Variants in SLC28A2 observed in about 807,000 individuals in gnomAD.
The protein encoded by SLC28A2 is sodium/nucleoside cotransporter 2.
Under a neutral mutation model 72.9 loss-of-function variants are expected in SLC28A2, and 69 were observed. The ratio of observed to expected loss-of-function variants is 0.95; its 90% CI spans 0.78 to 1.16. The LOEUF (loss-of-function observed/expected upper bound fraction) is 1.16, where lower values mean the gene tolerates loss of function less well. Among genes scored for constraint, SLC28A2 ranks in the 50% most tolerant of loss-of-function variants. The pLI, the probability that SLC28A2 is intolerant of heterozygous loss-of-function variation, is 0.00. For synonymous variants in SLC28A2, 296 were observed against 294.1 expected (o/e 1.01, Z -0.07); for missense variants, 745 against 791.1 (o/e 0.94, Z 0.70).
chr15:45,257,324 T>C (rs543975530), intron 3 of SLC28A2, among the ~76,000 whole-genome samples: 18 of 152,296 alleles, frequency 1.2e-4, no homozygotes, highest in African/African-American at 4.1e-4. Flanking sequence ...CCCTCTCTTA[T>C]AACACTTTAA....
At chr15:45,254,574 TAC>T (rs1899915028) in intron 3 of SLC28A2, among the ~76,000 whole-genome samples, 2 of 152,372 alleles carry the variant, frequency 1.3e-5, no homozygotes, top group South Asian at 4.1e-4. Flanking sequence ...TTTGCATAAG[TAC>T]ACTGTAAGAT....
chr15:45,272,687 C>A lies in SLC28A2; in HGVS notation c.1762C>A (p.Pro588Thr). 1 of 1,599,258 alleles carries A rather than the reference C, an allele frequency of 6.3e-7. No homozygotes were observed. The highest frequency in any genetic ancestry group is 8.6e-7 in the Non-Finnish European group (1 of 1,166,512). ...CCTTTATCCAGGAATCCTCTATGTC[C>A]CCAGGGGAGCTGAAGCTGACTGTGT... ...SACMAGILYV[P>T]RGAEADCVSF... Residue 588 changes from proline to threonine, a missense_variant, in exon 17 of 18, where the codon CCC becomes ACC. Transcript: ENST00000347644.
chr15:45,272,260 GA>G (rs1168721876), intron 15 of SLC28A2, 34 bp from the exon 16 acceptor site: 1 of 1,582,498 alleles, frequency 6.3e-7, no homozygotes, highest in South Asian at 1.1e-5. Context: ...CCTTGGTGGG[GA>G]AAAGCTGAAG....
Position 45,264,899 on chromosome 15 carries a change from G to A in SLC28A2, c.702+131G>A, listed in dbSNP as rs865894475. The A allele has an allele frequency of 8.1e-6, 6 of 738,548 alleles. No homozygotes were observed. In the Middle Eastern group the frequency reaches 1.2e-3, roughly 147 times the overall value. 45.7% of individuals were successfully genotyped at this position (738,548 alleles called of 1,614,324 possible). A position where few individuals can be genotyped will look rare whatever the true frequency, so the allele number is the denominator to read the frequency against. ...GAAGATCTGGTTGGGAAAGGAGAGA[G>A]TGTACTAGGATACAGCTAAGAATAT... On this transcript the variant is annotated intron_variant, in intron 7 of 17. Coordinates refer to ENST00000347644, the MANE Select transcript of SLC28A2 (RefSeq NM_004212.4).
At chr15:45,265,941 TG>T (rs1900320543) in intron 9 of SLC28A2, 139 bp from the exon 10 acceptor site, 11 of 662,128 alleles carry the variant, frequency 1.7e-5, no homozygotes, top group Non-Finnish European at 2.7e-5. Flanking sequence ...GTTTCTAAGT[TG>T]GTTTTTGGCC....
rs911949614 is a variant in SLC28A2, at chr15:45,268,362, A to G, written c.1352A>G (p.Gln451Arg). 1.9e-6 allele frequency: 3 copies of G among 1,593,110 alleles called. No individual in the cohort carries two copies. Among genetic ancestry groups the G allele is most frequent in the Non-Finnish European group, 2.6e-6 (3 of 1,163,178 alleles). The change falls in exon 13 of 18, where the codon CAG (glutamine) becomes CGG (arginine). Residue 451 changes from glutamine to arginine, a missense_variant. Coordinates refer to ENST00000347644, the MANE Select transcript of SLC28A2 (RefSeq NM_004212.4). ...LSWLGELVDI[Q>R]GLTFQVICSY... is the part of the protein sequence containing the mutation. ...TGGCTGGGGGAATTGGTGGACATACAGGGGCTCACTTTCCAGGTAAAGGAT... is the reference window on the plus strand; with the variant it reads ...TGGCTGGGGGAATTGGTGGACATACGGGGGCTCACTTTCCAGGTAAAGGAT...
chr15:45,270,373 T>A (rs1355448715), intron 15 of SLC28A2, 97 bp downstream of exon 15: 2 of 852,674 alleles, frequency 2.3e-6, no homozygotes, highest in Non-Finnish European at 4.0e-6. Flanking sequence ...TGGGATCAGA[T>A]AGAGAAGCCA....
chr15:45,263,768 T>A, intron 5 of SLC28A2, 113 bp from the exon 6 acceptor site: 6 of 968,028 alleles, frequency 6.2e-6, no homozygotes, highest in East Asian at 2.7e-5. Flanking sequence ...CAATGGCACA[T>A]GCATGGCCTT....
At chr15:45,260,547 A>G (rs1900126998) in intron 3 of SLC28A2, among the ~76,000 whole-genome samples, 1 of 152,184 alleles carries the variant, frequency 6.6e-6, no homozygotes, top group South Asian at 2.1e-4. Context: ...ACTTGAGCCC[A>G]GGAGTTTGAG....
chr15:45,274,269 C>T lies in SLC28A2; in HGVS notation c.1860-1127C>T, dbSNP rs1900679062. On this transcript the variant is annotated intron_variant, in intron 17 of 17. Coordinates refer to ENST00000347644, the MANE Select transcript of SLC28A2 (RefSeq NM_004212.4). Reference sequence around the variant, plus strand: ...ATCCCAGCACTTTGGGAGGCCAAGGCAGGAGGATCACTTAAGCTCAGGAGT... The same window carrying T: ...ATCCCAGCACTTTGGGAGGCCAAGGTAGGAGGATCACTTAAGCTCAGGAGT... Among the ~76,000 whole-genome samples, 3 of 152,134 alleles carry T rather than the reference C, an allele frequency of 2.0e-5. No individual in the cohort carries two copies. In the South Asian group the frequency reaches 6.2e-4, roughly 32 times the overall value.
chr15:45,263,828 ATTTG>A, intron 5 of SLC28A2, 49 bp from the exon 6 acceptor site: 2 of 1,551,694 alleles, frequency 1.3e-6, no homozygotes, highest in Non-Finnish European at 1.8e-6. Flanking sequence ...TCTGTAAGTT[ATTTG>A]TTTTTCATTC....
At chr15:45,268,141 ATTTCTCTTCTCTGAGGGGCTGAGAC>A in intron 12 of SLC28A2, 44 bp from the exon 13 acceptor site, 2 of 1,463,072 alleles carry the variant, frequency 1.4e-6, no homozygotes, top group Non-Finnish European at 1.9e-6. Context: ...GGACAGTGGG[ATTTCTCTTCTCTGAGGGGCTGAGAC>A]TGCTGTAGAC....
At chr15:45,273,302 A>C (rs184605396) in intron 17 of SLC28A2, among the ~76,000 whole-genome samples, 2 of 152,354 alleles carry the variant, frequency 1.3e-5, no homozygotes, top group East Asian at 3.9e-4. Context: ...AGAGAGGATA[A>C]AGTTGAATTT....
At position 45,272,707 on chromosome 15, in the gene SLC28A2, CTG is replaced by C. The variant is rs771027799; in HGVS notation, c.1786_1787del (p.Val596LeufsTer10). ...LYVPRGAEAD[C>X]VSFPNTSFTN... ...ATGTCCCCAGGGGAGCTGAAGCTGA[CTG>C]TGTCTCCTTCCCAAACACAAGTTTC... On this transcript the variant is annotated frameshift_variant, in exon 17 of 18. Coordinates refer to ENST00000347644, the MANE Select transcript of SLC28A2 (RefSeq NM_004212.4). LOFTEE classifies it high-confidence loss of function. 6.2e-7 allele frequency: 1 copy of C among 1,611,624 alleles called. No individual in the cohort carries two copies. Among genetic ancestry groups the C allele is most frequent in the African/African-American group, 1.3e-5 (1 of 74,978 alleles).
At chr15:45,269,556 C>T in intron 14 of SLC28A2, 21 bp downstream of exon 14, 1 of 1,598,708 alleles carries the variant, frequency 6.3e-7, no homozygotes, top group Non-Finnish European at 8.6e-7. Flanking sequence ...ATCCAAAAAG[C>T]ATAAACACCG....
Position 45,277,069 on chromosome 15 carries a change from C to G in SLC28A2, c.*1556C>G, listed in dbSNP as rs1439361786. 1 of 152,052 alleles carries G rather than the reference C, an allele frequency of 6.6e-6. No individual in the cohort carries two copies. The highest frequency in any genetic ancestry group is 1.5e-5 in the Non-Finnish European group (1 of 68,016). 9.4% of individuals were successfully genotyped at this position (152,052 alleles called of 1,614,324 possible). On this transcript the variant is annotated 3_prime_UTR_variant, in exon 18 of 18. Transcript: ENST00000347644. ...TAAAGTGGGAGGATGCTACTGACAT[C>G]TAGTGAGTAGAGGCCAATATTGCTA...
intron 1 of SLC28A2, 42 bp from the exon 2 acceptor site, chr15:45,253,158 A>T: frequency 7.3e-7 from 1 of 1,364,506 alleles, no homozygotes; most frequent in Non-Finnish European, 1.0e-6. Context: ...CACAGAACAG[A>T]ATGACCAATC....
chr15:45,275,625 G>C lies in SLC28A2; in HGVS notation c.*112G>C. The C allele has an allele frequency of 1.4e-6, 1 of 704,174 alleles. No homozygotes were observed. The allele number at this position is 704,174 out of a possible 1,614,324, so 43.6% of individuals were successfully genotyped here. On this transcript the variant is annotated 3_prime_UTR_variant, in exon 18 of 18. Transcript: ENST00000347644. ...CACTCACCAAGATGTTTAACAGTAA[G>C]TAACAGTAAATGTAAAAGATTCATT... is the stretch of plus-strand genomic sequence containing the variant.
At chr15:45,254,946 G>A (rs1899929173) in intron 3 of SLC28A2, among the ~76,000 whole-genome samples, 1 of 152,138 alleles carries the variant, frequency 6.6e-6, no homozygotes, top group African/African-American at 2.4e-5. Context: ...ACAGTGGTAT[G>A]CTAGTAAATG....
Sources: allele counts gnomAD v4.1 joint callset (sites outside exome capture counted in the v4.1 genomes callset), GRCh38; gene constraint gnomAD v4.1.1; transcripts MANE v1.5; gene names NCBI Gene and HGNC (gene_info 2026-07-23, HGNC 2026-07-21).